LRP4: variants seen among roughly 807,000 people sequenced by gnomAD.
LRP4 encodes the protein LDL receptor related protein 4.
Under a neutral mutation model 220.3 loss-of-function variants are expected in LRP4, and 95 were observed. That is an observed-to-expected ratio of 0.43 (90% CI 0.37 to 0.51). LRP4 has a LOEUF of 0.51. Ranked by LOEUF, LRP4 falls within the 20% of genes least tolerant of loss-of-function variation. The pLI is 0.00. For missense variants in LRP4, 1,925 were observed against 2,567.0 expected (o/e 0.75, Z 5.40); for synonymous variants, 903 against 954.6 (o/e 0.95, Z 1.00).
At chr11:46,886,563 T>C (rs776639574) in intron 16 of LRP4, 30 bp from the exon 17 acceptor site, 13 of 1,576,430 alleles carry the variant, frequency 8.2e-6, no homozygotes, top group Non-Finnish European at 1.0e-5. Context: ...GGTCTTCTTT[T>C]AATGCTCTAA....
In LRP4 at chr11:46,918,371, C is replaced by T. The variant is rs1592559786; in HGVS notation, c.9G>A (p.Arg3=). 2.0e-6 allele frequency: 3 copies of T among 1,471,134 alleles called. No individual in the cohort carries two copies. The East Asian group carries it at 9.0e-5, about 44-fold the overall frequency. 91.1% of individuals were successfully genotyped at this position (1,471,134 alleles called of 1,614,324 possible). A position where few individuals can be genotyped will look rare whatever the true frequency, so the allele number is the denominator to read the frequency against. The part of the protein sequence containing the change: MR[R]QWGALLLGAL... ...CGCCAAGCAGCAGCGCGCCCCACTG[C>T]CGCCTCATGGTGCCGCCCGCGCCGC... The change falls in exon 1 of 38, where the codon CGG becomes CGA. Residue 3 remains arginine (R), a synonymous_variant. Transcript: ENST00000378623. This position sits in a 1 kb window ranked among gnomAD's most constrained non-coding sequence, Gnocchi z 6.0.
At chr11:46,872,739 G>A (rs1940904001) in intron 30 of LRP4, among the ~76,000 whole-genome samples, 2 of 152,186 alleles carry the variant, frequency 1.3e-5, no homozygotes, top group Non-Finnish European at 2.9e-5. Context: ...GCAAGATGCT[G>A]TCTCAACAAC....
chr11:46,881,832 T>C lies in LRP4; in HGVS notation c.2684A>G (p.Gln895Arg), dbSNP rs1941169563. ...ERAGMDASGR[Q>R]VIISSNLTWP... is the part of the protein sequence containing the mutation. The stretch of plus-strand genomic sequence containing the variant: ...GGTCAGATTAGAAGAGATAATGACT[T>C]GGCGGCCTGAGGCATCCATGCCAGC... Residue 895 changes from glutamine (Q) to arginine (R), a missense_variant, in exon 20 of 38, where the codon CAA becomes CGA. By Grantham distance (43) the Gln-to-Arg change is conservative (BLOSUM62 1). This residue lies in a region of LRP4 where 1,244 missense variants were observed against 1,624.9 expected (regional missense o/e 0.77). Transcript: ENST00000378623. 6.2e-7 allele frequency: 1 copy of C among 1,614,070 alleles called. No homozygotes were observed. Among genetic ancestry groups the C allele is most frequent in the African/African-American group, 1.3e-5 (1 of 74,930 alleles).
chr11:46,897,936 C>T (rs1300577778), intron 7 of LRP4, among the ~76,000 whole-genome samples: 21 of 152,132 alleles, frequency 1.4e-4, no homozygotes, highest in Admixed American at 1.4e-3. Context: ...CTCCTCACTT[C>T]CCAGTAGGGG....
rs1565782830 is a variant in LRP4 at position 46,875,640 on chromosome 11, T to C, written c.3741A>G (p.Thr1247=). Residue 1247 remains threonine (T), a synonymous_variant, in exon 27 of 38, where the codon ACA becomes ACG. Transcript: ENST00000378623. This position sits in a 1 kb window ranked among gnomAD's most constrained non-coding sequence, Gnocchi z 4.5. The stretch of plus-strand genomic sequence containing the variant: ...ATGGGTGCTGCACCGGTGACACCAA[T>C]GTATGCCGATTGGCACCATTCAGGT... ...AADLNGANRH[T]LVSPVQHPYG... is the part of the protein sequence containing the mutation. 2 of 1,614,100 alleles carry C rather than the reference T, an allele frequency of 1.2e-6. No homozygotes were observed. Among genetic ancestry groups the C allele is most frequent in the Admixed American group, 1.7e-5 (1 of 60,016 alleles).
In LRP4 at chr11:46,898,550, C is replaced by T; in HGVS notation, c.796+8G>A. On this transcript the variant is annotated splice_region_variant and intron_variant, in intron 7 of 37. Coordinates refer to ENST00000378623, the MANE Select transcript of LRP4 (RefSeq NM_002334.4). ...TCAAGCCCAACCTAATTCCATTTCC[C>T]CACTCACTGCAGTTGCGCTCATCAG... 1 of 1,614,058 alleles carries T rather than the reference C, an allele frequency of 6.2e-7. No individual in the cohort carries two copies. The highest frequency in any genetic ancestry group is 8.5e-7 in the Non-Finnish European group (1 of 1,180,000).
intron 1 of LRP4, among the ~76,000 whole-genome samples, chr11:46,904,975 CAAAAAAAA>C (rs10589238): frequency 4.5e-5 from 2 of 44,276 alleles, no homozygotes; most frequent in African/African-American, 1.8e-4. Context: ...GACCTTGTCT[CAAAAAAAA>C]AAAAAAAAAA....
intron 10 of LRP4, among the ~76,000 whole-genome samples, 195 bp downstream of exon 10, chr11:46,895,689 G>A (rs1005304579): frequency 6.6e-6 from 1 of 152,208 alleles, no homozygotes; most frequent in African/African-American, 2.4e-5. Context: ...TGTGGCCTTT[G>A]GTAAGCTACT....
At chr11:46,908,020 C>T (rs541763305) in intron 1 of LRP4, among the ~76,000 whole-genome samples, 26 of 152,216 alleles carry the variant, frequency 1.7e-4, no homozygotes, top group African/African-American at 4.3e-4. Context: ...CGGCAACCTC[C>T]GCCTCCCGAG....
chr11:46,900,387 C>G lies in LRP4; in HGVS notation c.200-9G>C. The G allele has an allele frequency of 6.4e-7, 1 of 1,553,728 alleles. No homozygotes were observed. Among genetic ancestry groups the G allele is most frequent in the South Asian group, 1.1e-5 (1 of 89,900 alleles). The stretch of plus-strand genomic sequence containing the variant: ...GGAACAGGTAGGTAGTACTGAATCC[C>G]AGGAAAAGAAAAGAAAAGTCAATCA... On this transcript the variant is annotated splice_polypyrimidine_tract_variant and intron_variant, in intron 2 of 37. Transcript: ENST00000378623.
chr11:46,895,437 C>G, intron 10 of LRP4, 146 bp from the exon 11 acceptor site: 1 of 1,142,880 alleles, frequency 8.7e-7, no homozygotes, highest in South Asian at 1.3e-5. Context: ...TAAGGGCGGC[C>G]GGGCGTGGTG....
Position 46,889,477 on chromosome 11 carries a change from C to T in LRP4, c.2149G>A (p.Gly717Ser). 1 of 1,614,094 alleles carries T rather than the reference C, an allele frequency of 6.2e-7. No individual in the cohort carries two copies. The highest frequency in any genetic ancestry group is 1.3e-5 in the African/African-American group (1 of 75,034). ...GGGCAGGCACAGGTGTAGTTCTGGC[C>T]ACTGGGCAGACACAGGTGCGTGCAG... ...GGCTHLCLPS[G>S]QNYTCACPTG... The change falls in exon 16 of 38, where the codon GGC (glycine) becomes AGC (serine). Residue 717 changes from glycine to serine, a missense_variant. Coordinates refer to ENST00000378623, the MANE Select transcript of LRP4 (RefSeq NM_002334.4).
At chr11:46,879,337 G>A (rs1224239819) in intron 20 of LRP4, 22 bp from the exon 21 acceptor site, 10 of 1,613,204 alleles carry the variant, frequency 6.2e-6, no homozygotes, top group Non-Finnish European at 8.5e-6. Flanking sequence ...CCAACACTGT[G>A]TCATCTTCAA....
intron 37 of LRP4, among the ~76,000 whole-genome samples, chr11:46,861,879 G>C (rs1378424082): frequency 1.3e-5 from 2 of 151,964 alleles, no homozygotes; most frequent in Non-Finnish European, 2.9e-5. Context: ...GACCAGCCTG[G>C]TCAACATGGA....
At position 46,873,461 on chromosome 11, in the gene LRP4, C is replaced by T. The variant is rs775166531; in HGVS notation, c.4362G>A (p.Ala1454=). The T allele has an allele frequency of 1.6e-5, 26 of 1,614,208 alleles. No homozygotes were observed. The highest frequency in any genetic ancestry group is 1.4e-4 in the South Asian group (13 of 91,084). The change falls in exon 29 of 38, where the codon GCG becomes GCA. Residue 1454 remains alanine, a synonymous_variant. Transcript: ENST00000378623. This position sits in a 1 kb window ranked among gnomAD's most constrained non-coding sequence, Gnocchi z 4.2. ...WTDTGRNTIE[A]SRLDGSCRKV... ...TGCGGCAGGAACCATCCAGCCTGGA[C>T]GCCTCAATGGTATTTCGACCTGTGT...
Position 46,862,056 on chromosome 11 carries a change from G to A in LRP4, c.5385+550C>T, listed in dbSNP as rs558554194. On this transcript the variant is annotated intron_variant, in intron 37 of 37. Transcript: ENST00000378623. ...GCACTCCAGCCTGGGCAACAAGAGCGAAACTCTGTCTCAAAAAAAAAAAAA... is the reference window on the plus strand; with the variant it reads ...GCACTCCAGCCTGGGCAACAAGAGCAAAACTCTGTCTCAAAAAAAAAAAAA... Among the ~76,000 whole-genome samples, 504 of 102,748 alleles carry A rather than the reference G, an allele frequency of 4.9e-3. 4 individuals are homozygous for A. Among genetic ancestry groups the A allele is most frequent in the Non-Finnish European group, 4.3e-3 (241 of 55,524 alleles). 67.4% of individuals were successfully genotyped at this position (102,748 alleles called of 152,430 possible). A position where few individuals can be genotyped will look rare whatever the true frequency, so the allele number is the denominator to read the frequency against.
chr11:46,918,218 G>GGAGCGA lies in LRP4; in HGVS notation c.52+104_52+109dup. On this transcript the variant is annotated intron_variant, in intron 1 of 37. Coordinates refer to ENST00000378623, the MANE Select transcript of LRP4 (RefSeq NM_002334.4). The surrounding 1 kb of genome is among the most constrained non-coding windows in gnomAD (Gnocchi z 6.0). ...GCACGCAGCCCCAGGGCCACGGCTA[G>GGAGCGA]GAGCGAGGGCGAGGGGTCTCAGGCC... The GGAGCGA allele has an allele frequency of 8.2e-7, 1 of 1,217,714 alleles. No homozygotes were observed. The highest frequency in any genetic ancestry group is 1.1e-6 in the Non-Finnish European group (1 of 880,298). 75.4% of individuals were successfully genotyped at this position (1,217,714 alleles called of 1,614,324 possible).
rs374136996 is a variant in LRP4 at position 46,895,191 on chromosome 11, G to A, written c.1284C>T (p.Pro428=). Reference sequence around the variant, plus strand: ...CCAGAGCCTTGCAGCTGCGCCGGTCGGGCCGTAGTTCATAGCCTGTTTCAC... The same window carrying A: ...CCAGAGCCTTGCAGCTGCGCCGGTCAGGCCGTAGTTCATAGCCTGTTTCAC... ...CWCETGYELR[P]DRRSCKALGP... Residue 428 remains proline (P), a synonymous_variant, in exon 11 of 38, where the codon CCC becomes CCT. Transcript: ENST00000378623. The A allele has an allele frequency of 9.5e-5, 153 of 1,614,006 alleles. No individual in the cohort carries two copies. In the Middle Eastern group the frequency reaches 1.5e-3, roughly 16 times the overall value.
At position 46,891,055 on chromosome 11, in the gene LRP4, T is replaced by C. The variant is rs530233600; in HGVS notation, c.1698-561A>G. On this transcript the variant is annotated intron_variant, in intron 13 of 37. Transcript: ENST00000378623. ...GACAAAAGTCTCACAGAATTGACAATATAATGTAATATTAGGACAGGCACT... is the reference window on the plus strand; with the variant it reads ...GACAAAAGTCTCACAGAATTGACAACATAATGTAATATTAGGACAGGCACT... Among the ~76,000 whole-genome samples the C allele has an allele frequency of 7.9e-5, 12 of 152,176 alleles. No individual in the cohort carries two copies. The East Asian group carries it at 2.1e-3, about 27-fold the overall frequency.
Sources: allele counts gnomAD v4.1 joint callset (sites outside exome capture counted in the v4.1 genomes callset), GRCh38; gene constraint gnomAD v4.1.1; regional missense constraint gnomAD v4.1.1; non-coding constraint Gnocchi (gnomAD v3.1); transcripts MANE v1.5; gene names NCBI Gene and HGNC (gene_info 2026-07-23, HGNC 2026-07-21).